The following ATRNL1 variants were observed in gnomAD, a reference collection of about 807,000 sequenced individuals.
ATRNL1 encodes the protein attractin like 1.
ATRNL1 carries 95 observed loss-of-function variants against 182.7 expected under a neutral mutation model. The ratio of observed to expected loss-of-function variants is 0.52; its 90% CI spans 0.44 to 0.62. The LOEUF (loss-of-function observed/expected upper bound fraction) is 0.62. ATRNL1 is among the 20% of genes least tolerant of loss of function. The pLI is 0.00. For missense variants in ATRNL1, 1,471 were observed against 1,679.5 expected, an observed-to-expected ratio of 0.88 and a Z score of 2.17; for synonymous variants, 576 against 568.3, an observed-to-expected ratio of 1.01 and a Z score of -0.19.
intron 28 of ATRNL1, among the ~76,000 whole-genome samples, chr10:115,908,563 G>T (rs1952572567): frequency 1.3e-5 from 2 of 152,042 alleles, no homozygotes; most frequent in African/African-American, 2.4e-5. Context: ...CCATCTGAAG[G>T]TCCTTCGTTT....
chr10:115,666,872 T>C (rs1861030280), intron 26 of ATRNL1, among the ~76,000 whole-genome samples: 1 of 151,420 alleles, frequency 6.6e-6, no homozygotes, highest in African/African-American at 2.5e-5. Context: ...TTTGCAATAC[T>C]TAAATCCACT....
intron 19 of ATRNL1, among the ~76,000 whole-genome samples, chr10:115,351,742 G>GTGTTTTGTTTTGTTTTGTTT (rs61367511): frequency 0.35 from 52,117 of 149,688 alleles, 10,935 homozygotes; most frequent in Non-Finnish European, 0.48. Context: ...TTCTTTTCTT[G>GTGTTTTGTTTTGTTTTGTTT]TGTTTTGTTT....
chr10:115,881,203 C>A (rs937887564), intron 28 of ATRNL1, among the ~76,000 whole-genome samples: 1 of 152,222 alleles, frequency 6.6e-6, no homozygotes, highest in Non-Finnish European at 1.5e-5. Flanking sequence ...GCGTATCCAG[C>A]TATACATGGG....
chr10:115,418,975 A>G (rs1041234007), intron 20 of ATRNL1, among the ~76,000 whole-genome samples: 4 of 152,230 alleles, frequency 2.6e-5, no homozygotes, highest in Admixed American at 6.5e-5. Flanking sequence ...AGAAAAGAAT[A>G]CTTACATTGA....
chr10:115,701,668 C>T (rs10885773), intron 26 of ATRNL1, among the ~76,000 whole-genome samples: 56,200 of 151,810 alleles, frequency 0.37, 11,194 homozygotes, highest in Admixed American at 0.54. Flanking sequence ...ATATTATGAG[C>T]ACTTCTGTGC....
intron 20 of ATRNL1, among the ~76,000 whole-genome samples, chr10:115,404,690 A>G (rs1446120048): frequency 6.6e-6 from 1 of 152,170 alleles, no homozygotes; most frequent in East Asian, 1.9e-4. Flanking sequence ...TCATTTAAAT[A>G]ACCTTAAGGG....
chr10:115,467,294 T>C (rs782297011), intron 23 of ATRNL1, 42 bp downstream of exon 23: 56 of 1,380,230 alleles, frequency 4.1e-5, no homozygotes, highest in Non-Finnish European at 5.5e-5. Context: ...CATGTGTTCC[T>C]ATCTGGAAGT....
At chr10:115,787,003 T>C (rs139343925) in intron 27 of ATRNL1, among the ~76,000 whole-genome samples, 1 of 152,344 alleles carries the variant, frequency 6.6e-6, no homozygotes, top group East Asian at 1.9e-4. Flanking sequence ...GGTTAAATAA[T>C]AATCTTTGTT....
In ATRNL1 at chr10:115,458,158, C is replaced by T. The variant is rs373665630; in HGVS notation, c.3323-3783C>T. Among the ~76,000 whole-genome samples the T allele has an allele frequency of 5.7e-4, 87 of 152,210 alleles. 2 individuals carry two copies. In the South Asian group the frequency reaches 0.018, roughly 31 times the overall value. ...TTAAAGTTTTATATCCTGTACCCTA[C>T]TTAGCTAAGAAGTTCAGAGCATATT... On this transcript the variant is annotated intron_variant, in intron 21 of 28. Coordinates refer to ENST00000355044, the MANE Select transcript of ATRNL1 (RefSeq NM_207303.4).
At chr10:115,529,495 T>C (rs1851438496) in intron 25 of ATRNL1, among the ~76,000 whole-genome samples, 1 of 103,542 alleles carries the variant, frequency 9.7e-6, no homozygotes, top group South Asian at 3.6e-4. Context: ...TTTTTATTAA[T>C]TGAATGAGCT....
intron 19 of ATRNL1, among the ~76,000 whole-genome samples, chr10:115,348,762 G>A (rs1856095564): frequency 6.6e-6 from 1 of 152,096 alleles, no homozygotes; most frequent in African/African-American, 2.4e-5. Context: ...GTGACAAAGA[G>A]ATGAATTCTC....
chr10:115,383,160 G>A (rs75348242), intron 19 of ATRNL1, among the ~76,000 whole-genome samples: 1,840 of 147,988 alleles, frequency 0.012, 32 homozygotes, highest in African/African-American at 0.042. Flanking sequence ...TTTTAGTGTG[G>A]TACATTGCAT....
intron 1 of ATRNL1, among the ~76,000 whole-genome samples, chr10:115,102,188 G>A (rs1843796328): frequency 6.6e-6 from 1 of 152,022 alleles, no homozygotes; most frequent in African/African-American, 2.4e-5. Flanking sequence ...TATGTTATTA[G>A]GTGCATAAAA....
intron 28 of ATRNL1, among the ~76,000 whole-genome samples, chr10:115,901,957 C>G (rs1952367240): frequency 2.6e-5 from 4 of 152,076 alleles, no homozygotes; most frequent in African/African-American, 9.7e-5. Context: ...TCAATGCTAC[C>G]AGCACCTTAT....
chr10:115,589,750 A>C (rs1414587295), intron 26 of ATRNL1, among the ~76,000 whole-genome samples: 1 of 152,178 alleles, frequency 6.6e-6, no homozygotes, highest in Non-Finnish European at 1.5e-5. Context: ...AAAATTATTT[A>C]TATAACACAT....
chr10:115,687,421 C>G (rs1199139286), intron 26 of ATRNL1, among the ~76,000 whole-genome samples: 2 of 152,010 alleles, frequency 1.3e-5, no homozygotes, highest in African/African-American at 4.8e-5. Context: ...CTGGGTACAC[C>G]TGTGTTGTTG....
intron 24 of ATRNL1, among the ~76,000 whole-genome samples, chr10:115,483,015 G>T (rs1554974484): frequency 1.3e-5 from 2 of 151,240 alleles, no homozygotes; most frequent in Admixed American, 6.6e-5. Flanking sequence ...AAATAAAATG[G>T]TATGTTTTAA....
At chr10:115,575,354 A>G (rs146417749) in intron 26 of ATRNL1, among the ~76,000 whole-genome samples, 270 of 152,310 alleles carry the variant, frequency 1.8e-3, no homozygotes, top group African/African-American at 4.5e-3. Context: ...TTCATTTGCA[A>G]TGAAGCAGAG....
rs199780742 is a variant in ATRNL1, at chr10:115,847,899, T to C, written c.3926T>C (p.Ile1309Thr). Residue 1309 changes from isoleucine (I) to threonine (T), a missense_variant, in exon 28 of 29, where the codon ATT becomes ACT. Coordinates refer to ENST00000355044, the MANE Select transcript of ATRNL1 (RefSeq NM_207303.4). The stretch of plus-strand genomic sequence containing the variant: ...CAGGGGGCACCCAAGCCAATTGCCA[T>C]TGAACCATGTGCTGGGAACAGAGCT... ...PLEGAPKPIA[I>T]EPCAGNRAAV... 1.2e-5 allele frequency: 19 copies of C among 1,612,120 alleles called. No individual in the cohort carries two copies. Among genetic ancestry groups the C allele is most frequent in the East Asian group, 2.2e-5 (1 of 44,854 alleles).
Sources: gnomAD v4.1 joint callset for allele counts (sites outside exome capture counted in the v4.1 genomes callset) on GRCh38, gnomAD v4.1.1 for gene constraint, MANE v1.5 for transcripts, NCBI Gene and HGNC (gene_info 2026-07-23, HGNC 2026-07-21) for gene names.